The following COL7A1 variants were observed in gnomAD, a reference collection of about 807,000 sequenced individuals.
COL7A1 encodes the protein collagen alpha-1(VII) chain.
Under a neutral mutation model 456.2 loss-of-function variants are expected in COL7A1, and 296 were observed. The observed-to-expected ratio is 0.65, with a 90% CI of 0.59 to 0.71. The LOEUF (loss-of-function observed/expected upper bound fraction) is 0.71, where lower values mean the gene tolerates loss of function less well. COL7A1 is among the 30% of genes least tolerant of loss of function. The pLI is 0.00. For missense variants in COL7A1, 3,441 were observed against 4,017.2 expected (o/e 0.86, Z 3.88); for synonymous variants, 1,464 against 1,525.9 (o/e 0.96, Z 0.95).
chr3:48,576,644 T>C, intron 68 of COL7A1, 32 bp downstream of exon 68: 2 of 1,594,662 alleles, frequency 1.3e-6, no homozygotes, highest in Non-Finnish European at 1.7e-6. Context: ...CTTCTAATGC[T>C]CTGAAGTCCC....
rs1560190719 is a variant in COL7A1 at position 48,564,469 on chromosome 3, CG to C, written c.8819-48del. 6.2e-7 allele frequency: 1 copy of C among 1,611,766 alleles called. No individual in the cohort carries two copies. The highest frequency in any genetic ancestry group is 8.5e-7 in the Non-Finnish European group (1 of 1,178,736). On this transcript the variant is annotated intron_variant, in intron 118 of 118. Transcript: ENST00000681320. This position sits in a 1 kb window ranked among gnomAD's most constrained non-coding sequence, Gnocchi z 6.0. ...CGGTCGTCAGCCATCTGACCTTCCC[CG>C]GAGACGCTCAGGCAGAGGCACCGCC...
chr3:48,581,270 C>CGGGGGCCAACAGGTCCTG lies in COL7A1; in HGVS notation c.4871_4888dup (p.Pro1624_Pro1629dup). 5 of 1,613,396 alleles carry CGGGGGCCAACAGGTCCTG rather than the reference C, an allele frequency of 3.1e-6. No homozygotes were observed. Among genetic ancestry groups the CGGGGGCCAACAGGTCCTG allele is most frequent in the Non-Finnish European group, 4.2e-6 (5 of 1,179,816 alleles). On this transcript the variant is annotated inframe_insertion, in exon 52 of 119. Transcript: ENST00000681320. The surrounding 1 kb of genome is among the most constrained non-coding windows in gnomAD (Gnocchi z 5.8). ...ACTCCAGCCTCTTACATCTCGTCCT[C>CGGGGGCCAACAGGTCCTG]GGGGGCCAACAGGTCCTGGGGGGCC...
At position 48,565,684 on chromosome 3, in the gene COL7A1, A is replaced by C. The variant is rs759647902; in HGVS notation, c.8408-16T>G. Reference sequence around the variant, plus strand: ...CCCTGGCAGGCTAGAGGGGGCAGAGAGGGATAGAGAGACAATGACAGAGAG... The same window carrying C: ...CCCTGGCAGGCTAGAGGGGGCAGAGCGGGATAGAGAGACAATGACAGAGAG... On this transcript the variant is annotated splice_polypyrimidine_tract_variant and intron_variant, in intron 114 of 118. Coordinates refer to ENST00000681320, the MANE Select transcript of COL7A1 (RefSeq NM_000094.4). This position sits in a 1 kb window ranked among gnomAD's most constrained non-coding sequence, Gnocchi z 4.5. The C allele has an allele frequency of 1.9e-5, 31 of 1,609,468 alleles. No homozygotes were observed. The East Asian group carries it at 6.9e-4, about 36-fold the overall frequency.
In COL7A1 at chr3:48,578,402, G is replaced by A. The variant is rs773718530; in HGVS notation, c.5488-37C>T. On this transcript the variant is annotated intron_variant, in intron 64 of 118. Transcript: ENST00000681320. The surrounding 1 kb of genome is among the most constrained non-coding windows in gnomAD (Gnocchi z 4.7). The stretch of plus-strand genomic sequence containing the variant: ...GATCACTGGTTGGATGTCGGGGATC[G>A]GGTGAGGGTAGTAAGGGGGAAAAGG... 1.6e-4 allele frequency: 254 copies of A among 1,613,546 alleles called. No individual in the cohort carries two copies. The highest frequency in any genetic ancestry group is 2.0e-4 in the Non-Finnish European group (236 of 1,180,014).
chr3:48,581,956 A>C lies in COL7A1; in HGVS notation c.4636-13T>G. 1 of 1,613,984 alleles carries C rather than the reference A, an allele frequency of 6.2e-7. No homozygotes were observed. The highest frequency in any genetic ancestry group is 1.7e-5 in the Admixed American group (1 of 60,018). On this transcript the variant is annotated splice_polypyrimidine_tract_variant and intron_variant, in intron 47 of 118. Coordinates refer to ENST00000681320, the MANE Select transcript of COL7A1 (RefSeq NM_000094.4). This position sits in a 1 kb window ranked among gnomAD's most constrained non-coding sequence, Gnocchi z 5.8. ...CAACAGCAGGTCCCTGAAAACAAACAGGACAGATACAGCTTGGCCCTGCCT... is the reference window on the plus strand; with the variant it reads ...CAACAGCAGGTCCCTGAAAACAAACCGGACAGATACAGCTTGGCCCTGCCT...
rs201242396 is a variant in COL7A1, at chr3:48,595,147, G to C, written c.13C>G (p.Leu5Val). MTLR[L>V]LVAALCAGIL... ...CCGGCGCAGAGCGCGGCCACCAGAAGCCGCAGCGTCATCCTAGGCAGTAAA... is the reference window on the plus strand; with the variant it reads ...CCGGCGCAGAGCGCGGCCACCAGAACCCGCAGCGTCATCCTAGGCAGTAAA... Residue 5 changes from leucine to valine, a missense_variant, in exon 2 of 119, where the codon CTT becomes GTT. By Grantham distance (32) the Leu-to-Val change is conservative (BLOSUM62 1). Transcript: ENST00000681320. The C allele has an allele frequency of 1.2e-4, 184 of 1,552,512 alleles. No individual in the cohort carries two copies. In the African/African-American group the frequency reaches 2.4e-3, roughly 20 times the overall value.
chr3:48,575,352 C>T lies in COL7A1; in HGVS notation c.6167G>A (p.Arg2056Lys), dbSNP rs1575439374. 2 of 1,612,672 alleles carry T rather than the reference C, an allele frequency of 1.2e-6. No homozygotes were observed. Among genetic ancestry groups the T allele is most frequent in the Non-Finnish European group, 8.5e-7 (1 of 1,179,544 alleles). The part of the protein sequence containing the change: ...GRAGGVGEAG[R>K]PGERGERGEK... ...CCCCAGCCTCACCCTCTCTCCTGGC[C>T]TTCCTGCCTCTCCCACACCCCCAGC... Residue 2056 changes from arginine (R) to lysine (K), a missense_variant, in exon 74 of 119, where the codon AGG (arginine) becomes AAG (lysine). Arg to Lys is a conservative substitution (Grantham distance 26, BLOSUM62 2). Coordinates refer to ENST00000681320, the MANE Select transcript of COL7A1 (RefSeq NM_000094.4). The surrounding 1 kb of genome is among the most constrained non-coding windows in gnomAD (Gnocchi z 6.3).
chr3:48,595,174 G>A lies in COL7A1; in HGVS notation c.-1-14C>T, dbSNP rs755081465. On this transcript the variant is annotated splice_polypyrimidine_tract_variant and intron_variant, in intron 1 of 118. Coordinates refer to ENST00000681320, the MANE Select transcript of COL7A1 (RefSeq NM_000094.4). ...CGCAGCGTCATCCTAGGCAGTAAAAGCCGTCAGCTAGGACCCCCGCCTCTG... is the reference window on the plus strand; with the variant it reads ...CGCAGCGTCATCCTAGGCAGTAAAAACCGTCAGCTAGGACCCCCGCCTCTG... 206 of 1,549,254 alleles carry A rather than the reference G, an allele frequency of 1.3e-4. No individual in the cohort carries two copies. Among genetic ancestry groups the A allele is most frequent in the Non-Finnish European group, 1.7e-4 (190 of 1,146,334 alleles).
chr3:48,572,868 A>C lies in COL7A1; in HGVS notation c.6825T>G (p.Gly2275=). 1 of 1,613,918 alleles carries C rather than the reference A, an allele frequency of 6.2e-7. No individual in the cohort carries two copies. The change falls in exon 87 of 119, where the codon GGT becomes GGG. Residue 2275 remains glycine, a synonymous_variant. Coordinates refer to ENST00000681320, the MANE Select transcript of COL7A1 (RefSeq NM_000094.4). This position sits in a 1 kb window ranked among gnomAD's most constrained non-coding sequence, Gnocchi z 4.6. ...SGKDGDRGSP[G]VPGSPGLPGP... ...CTGCCCCCAGAACACATACTGGCACACCAGGGCTCCCTCTGTCTCCATCTT... is the reference window on the plus strand; with the variant it reads ...CTGCCCCCAGAACACATACTGGCACCCCAGGGCTCCCTCTGTCTCCATCTT...
In COL7A1 at chr3:48,567,009, A is replaced by G; in HGVS notation, c.8124T>C (p.Ile2708=). The G allele has an allele frequency of 6.2e-7, 1 of 1,613,014 alleles. No homozygotes were observed. The highest frequency in any genetic ancestry group is 8.5e-7 in the Non-Finnish European group (1 of 1,179,216). ...TTCCACTGGGGCCTGGGAAGCCCCC[A>G]ATTCCTGGGGTTCCCTGGGGAGATA... is the stretch of plus-strand genomic sequence containing the variant. The part of the protein sequence containing the change: ...GEKGERGTPG[I]GGFPGPSGND... The change falls in exon 111 of 119, where the codon ATT becomes ATC. Residue 2708 remains isoleucine, a synonymous_variant. Transcript: ENST00000681320. The surrounding 1 kb of genome is among the most constrained non-coding windows in gnomAD (Gnocchi z 4.3).
Position 48,570,742 on chromosome 3 carries a change from A to G in COL7A1, c.7273-32T>C, listed in dbSNP as rs567732089. ...GAAAAATGGGGCAAGAGAGGCAGAG[A>G]GTGACTTGGGAACCCTCCTACCCTC... is the stretch of plus-strand genomic sequence containing the variant. On this transcript the variant is annotated intron_variant, in intron 95 of 118. Transcript: ENST00000681320. This position sits in a 1 kb window ranked among gnomAD's most constrained non-coding sequence, Gnocchi z 5.5. 74 of 1,561,178 alleles carry G rather than the reference A, an allele frequency of 4.7e-5. No homozygotes were observed. Among genetic ancestry groups the G allele is most frequent in the Non-Finnish European group, 5.9e-5 (68 of 1,151,720 alleles).
chr3:48,582,878 G>T, intron 44 of COL7A1, 135 bp downstream of exon 44: 1 of 1,373,784 alleles, frequency 7.3e-7, no homozygotes, highest in Non-Finnish European at 1.0e-6. Context: ...GAGGGTTAGA[G>T]CCTGTATCAG....
chr3:48,572,492 C>A lies in COL7A1; in HGVS notation c.6936+11G>T, dbSNP rs760423065. 5 of 1,613,884 alleles carry A rather than the reference C, an allele frequency of 3.1e-6. No individual in the cohort carries two copies. Among genetic ancestry groups the A allele is most frequent in the Non-Finnish European group, 4.2e-6 (5 of 1,179,922 alleles). ...TGACCCCCCCTCACTGGCAGCCCCA[C>A]ACACACTCACCTTCTCTCCCTTTGC... On this transcript the variant is annotated intron_variant, in intron 89 of 118. Transcript: ENST00000681320. This position sits in a 1 kb window ranked among gnomAD's most constrained non-coding sequence, Gnocchi z 4.6.
Position 48,580,302 on chromosome 3 carries a change from G to C in COL7A1, c.5095C>G (p.Pro1699Ala). The C allele has an allele frequency of 6.2e-7, 1 of 1,610,110 alleles. No homozygotes were observed. The highest frequency in any genetic ancestry group is 1.1e-5 in the South Asian group (1 of 90,274). ...SSGPKGDRGE[P>A]GPPGPPGRLV... ...CCCAGGACACCAGCCCTACTCACCG[G>C]CTCCCCACGGTCACCCTTGGGTCCA... Residue 1699 changes from proline to alanine, a missense_variant and splice_region_variant, in exon 56 of 119, where the codon CCG becomes GCG. Physicochemically the swap from Pro to Ala is conservative, Grantham distance 27 (BLOSUM62 -1). Around this residue, in one of 3 missense-constraint regions of COL7A1, gnomAD observed 2,084 missense variants for 2,501.3 expected, o/e 0.83. Transcript: ENST00000681320. The surrounding 1 kb of genome is among the most constrained non-coding windows in gnomAD (Gnocchi z 4.5).
In COL7A1 at chr3:48,570,963, A is replaced by T. The variant is rs1322915563; in HGVS notation, c.7170T>A (p.Asp2390Glu). 1.9e-6 allele frequency: 3 copies of T among 1,613,436 alleles called. No individual in the cohort carries two copies. The highest frequency in any genetic ancestry group is 1.6e-4 in the Middle Eastern group (1 of 6,062). The stretch of plus-strand genomic sequence containing the variant: ...CACCGGGCAGGCCAGGGAGGCCCAG[A>T]TCTCCCTGAAATAAAAACAGCAAAG... ...GPPGPPGVKG[D>E]LGLPGLPGAP... Residue 2390 changes from aspartate (D) to glutamate (E), a missense_variant, in exon 95 of 119, where the codon GAT becomes GAA. Asp to Glu is a conservative substitution (Grantham distance 45). Coordinates refer to ENST00000681320, the MANE Select transcript of COL7A1 (RefSeq NM_000094.4). The surrounding 1 kb of genome is among the most constrained non-coding windows in gnomAD (Gnocchi z 5.5).
At position 48,591,995 on chromosome 3, in the gene COL7A1, G is replaced by A. The variant is rs1212593883; in HGVS notation, c.1260C>T (p.Thr420=). The A allele has an allele frequency of 5.6e-6, 9 of 1,614,090 alleles. No homozygotes were observed. Among genetic ancestry groups the A allele is most frequent in the Admixed American group, 3.3e-5 (2 of 60,006 alleles). The change falls in exon 11 of 119, where the codon ACC becomes ACT. Residue 420 remains threonine (T), a synonymous_variant. Coordinates refer to ENST00000681320, the MANE Select transcript of COL7A1 (RefSeq NM_000094.4). This position sits in a 1 kb window ranked among gnomAD's most constrained non-coding sequence, Gnocchi z 7.0. ...MARTDASVEQ[T]LRPVILGPTS... ...TGGGGCCCAGGATGACCGGGCGCAG[G>A]GTCTGCTCAACAGAAGCGTCTGCCC...
At position 48,572,342 on chromosome 3, in the gene COL7A1, A is replaced by G. The variant is rs1269930073; in HGVS notation, c.6978+38T>C. On this transcript the variant is annotated intron_variant, in intron 90 of 118. Coordinates refer to ENST00000681320, the MANE Select transcript of COL7A1 (RefSeq NM_000094.4). The surrounding 1 kb of genome is among the most constrained non-coding windows in gnomAD (Gnocchi z 4.6). ...GAAGTTAGGCCACTGGAGAGACAGG[A>G]CCCCCAGAACATCTGCTGTCAGAAG... 16 of 1,613,602 alleles carry G rather than the reference A, an allele frequency of 9.9e-6. No homozygotes were observed. The highest frequency in any genetic ancestry group is 1.4e-5 in the Non-Finnish European group (16 of 1,179,906).
chr3:48,588,572 G>T lies in COL7A1; in HGVS notation c.2587+70C>A. Reference sequence around the variant, plus strand: ...CAATCCTGGTCCTTTCTCCAATCCAGAGCACAAGCCCGGATCCCCAAACCA... The same window carrying T: ...CAATCCTGGTCCTTTCTCCAATCCATAGCACAAGCCCGGATCCCCAAACCA... On this transcript the variant is annotated intron_variant, in intron 20 of 118. Transcript: ENST00000681320. This position sits in a 1 kb window ranked among gnomAD's most constrained non-coding sequence, Gnocchi z 4.6. The T allele has an allele frequency of 6.2e-7, 1 of 1,612,290 alleles. No homozygotes were observed.
Position 48,571,630 on chromosome 3 carries a change from G to A in COL7A1, c.7069-352C>T. 1 of 656,742 alleles carries A rather than the reference G, an allele frequency of 1.5e-6. No individual in the cohort carries two copies. Among genetic ancestry groups the A allele is most frequent in the Non-Finnish European group, 2.9e-6 (1 of 345,994 alleles). 40.7% of individuals were successfully genotyped at this position (656,742 alleles called of 1,614,324 possible). A position where few individuals can be genotyped will look rare whatever the true frequency, so the allele number is the denominator to read the frequency against. ...GTCCACTCCCGGGTAGAGCAGGCAT[G>A]GCCACAGGCTGAACGCTGGCAGCCA... On this transcript the variant is annotated intron_variant, in intron 92 of 118. Transcript: ENST00000681320. This position sits in a 1 kb window ranked among gnomAD's most constrained non-coding sequence, Gnocchi z 4.6.
Sources: allele counts gnomAD v4.1 joint callset, GRCh38; gene constraint gnomAD v4.1.1; regional missense constraint gnomAD v4.1.1; non-coding constraint Gnocchi (gnomAD v3.1); transcripts MANE v1.5; gene names NCBI Gene and HGNC (gene_info 2026-07-23, HGNC 2026-07-21).